Variants in MGAT5 observed in about 807,000 individuals in gnomAD.
MGAT5 encodes alpha-1,6-mannosylglycoprotein 6-beta-N-acetylglucosaminyltransferase A.
In MGAT5, 30 loss-of-function variants were observed where a neutral mutation model predicts 94.3. That is an observed-to-expected ratio of 0.32 (90% CI 0.24 to 0.43). MGAT5 has a LOEUF of 0.43. Ranked by LOEUF, MGAT5 falls within the 20% of genes least tolerant of loss-of-function variation. MGAT5 has a pLI of 1.00. For missense variants in MGAT5, 691 were observed against 905.5 expected (o/e 0.76, Z 3.04); for synonymous variants, 310 against 322.9 (o/e 0.96, Z 0.43).
At chr2:134,409,264 T>TA (rs1683514309) in intron 11 of MGAT5, among the ~76,000 whole-genome samples, 1 of 152,170 alleles carries the variant, frequency 6.6e-6, no homozygotes, top group South Asian at 2.1e-4. Context: ...AGCAACCCCA[T>TA]GAAATAAAGC....
At chr2:134,243,019 T>G (rs1328332388) in intron 1 of MGAT5, among the ~76,000 whole-genome samples, 1 of 151,428 alleles carries the variant, frequency 6.6e-6, no homozygotes, top group Non-Finnish European at 1.5e-5. Flanking sequence ...AGTAAGCCAG[T>G]GACTCTACAT....
At chr2:134,346,217 C>T (rs112032892) in intron 8 of MGAT5, among the ~76,000 whole-genome samples, 20 of 152,070 alleles carry the variant, frequency 1.3e-4, no homozygotes, top group African/African-American at 4.6e-4. Flanking sequence ...CACATATCCT[C>T]GCTGTTAAGA....
intron 1 of MGAT5, among the ~76,000 whole-genome samples, chr2:134,164,882 A>G (rs1687897529): frequency 6.6e-6 from 1 of 151,930 alleles, no homozygotes; most frequent in Non-Finnish European, 1.5e-5. Flanking sequence ...CAAAACAACA[A>G]CAACAAAAAA....
chr2:134,146,509 A>C (rs182503421), intron 1 of MGAT5, among the ~76,000 whole-genome samples: 2 of 152,036 alleles, frequency 1.3e-5, no homozygotes, highest in African/African-American at 2.4e-5. Context: ...GCAGTGAGCT[A>C]TGATAGCACC....
At chr2:134,218,424 G>C (rs185278456) in intron 1 of MGAT5, among the ~76,000 whole-genome samples, 119 of 152,302 alleles carry the variant, frequency 7.8e-4, no homozygotes, top group African/African-American at 2.6e-3. Flanking sequence ...GGGTGAGTTG[G>C]GTCGTTCTTT....
At chr2:134,220,310 T>C (rs545198887) in intron 1 of MGAT5, among the ~76,000 whole-genome samples, 49 of 152,272 alleles carry the variant, frequency 3.2e-4, no homozygotes, top group African/African-American at 1.2e-3. Flanking sequence ...CGTTTTTCTT[T>C]CCCATGTATC....
chr2:134,410,833 T>C (rs1574042162), intron 11 of MGAT5, among the ~76,000 whole-genome samples: 2 of 152,180 alleles, frequency 1.3e-5, no homozygotes, highest in Admixed American at 1.3e-4. Flanking sequence ...GCACTGTGGG[T>C]TCTCTGACTA....
chr2:134,273,133 G>GT (rs1684140626), intron 2 of MGAT5, among the ~76,000 whole-genome samples: 2 of 136,622 alleles, frequency 1.5e-5, no homozygotes, highest in Non-Finnish European at 3.1e-5. Flanking sequence ...CCAGAAGGTG[G>GT]GGGGGGGTCC....
chr2:134,316,204 C>T (rs1156454711), intron 2 of MGAT5, among the ~76,000 whole-genome samples: 2 of 152,086 alleles, frequency 1.3e-5, no homozygotes, highest in Non-Finnish European at 2.9e-5. Flanking sequence ...ATAATCTTCC[C>T]CTCCATAACA....
In MGAT5 at chr2:134,268,520, C is replaced by T. The variant is rs1683849561; in HGVS notation, c.242-1866C>T. Among the ~76,000 whole-genome samples, 1 of 152,206 alleles carries T rather than the reference C, an allele frequency of 6.6e-6. No individual in the cohort carries two copies. Among genetic ancestry groups the T allele is most frequent in the Admixed American group, 6.5e-5 (1 of 15,284 alleles). ...GTGCCAACTAATGATGTGCCTGTGACAAACTGAGTCATGCTGACCGTGGGA... is the reference window on the plus strand; with the variant it reads ...GTGCCAACTAATGATGTGCCTGTGATAAACTGAGTCATGCTGACCGTGGGA... On this transcript the variant is annotated intron_variant, in intron 1 of 15. Coordinates refer to ENST00000281923, the MANE Select transcript of MGAT5 (RefSeq NM_002410.5). This position sits in a 1 kb window ranked among gnomAD's most constrained non-coding sequence, Gnocchi z 4.1.
At chr2:134,148,359 G>A (rs775551016) in intron 1 of MGAT5, among the ~76,000 whole-genome samples, 4 of 152,228 alleles carry the variant, frequency 2.6e-5, no homozygotes, top group Non-Finnish European at 5.9e-5. Flanking sequence ...CTAATTAACT[G>A]CAGATCTCAG....
At chr2:134,299,417 A>G (rs1685885525) in intron 2 of MGAT5, among the ~76,000 whole-genome samples, 1 of 152,226 alleles carries the variant, frequency 6.6e-6, no homozygotes, top group Admixed American at 6.5e-5. Flanking sequence ...TCACAGATAG[A>G]GGAGAGCTTG....
In MGAT5 at chr2:134,367,869, G is replaced by A. The variant is rs186481136; in HGVS notation, c.1380+5461G>A. Among the ~76,000 whole-genome samples, 10 of 152,338 alleles carry A rather than the reference G, an allele frequency of 6.6e-5. No homozygotes were observed. The East Asian group carries it at 1.9e-3, about 29-fold the overall frequency. ...CTAATGCATTGATAATAAAGGAGTC[G>A]TGAATCTGCACAGTGTTTCTGCTTC... On this transcript the variant is annotated intron_variant, in intron 10 of 15. Transcript: ENST00000281923.
At chr2:134,334,269 T>A (rs1688194378) in intron 4 of MGAT5, among the ~76,000 whole-genome samples, 1 of 152,134 alleles carries the variant, frequency 6.6e-6, no homozygotes, top group Non-Finnish European at 1.5e-5. Context: ...TGTATTTTCA[T>A]CACAGTGAAT....
At chr2:134,376,437 C>A (rs537185260) in intron 10 of MGAT5, among the ~76,000 whole-genome samples, 1 of 152,150 alleles carries the variant, frequency 6.6e-6, no homozygotes, top group South Asian at 2.1e-4. Flanking sequence ...TTTTTATTTT[C>A]TTATTCTTAA....
intron 1 of MGAT5, among the ~76,000 whole-genome samples, chr2:134,196,131 T>G (rs921712458): frequency 2.0e-5 from 3 of 152,254 alleles, no homozygotes; most frequent in African/African-American, 7.2e-5. Flanking sequence ...TTGAATTTGC[T>G]CATTGCCTCT....
chr2:134,127,326 T>C (rs1685887431), intron 1 of MGAT5: 1 of 154,418 alleles, frequency 6.5e-6, no homozygotes, highest in African/African-American at 2.4e-5. Flanking sequence ...TTTATTTGAT[T>C]TTTAGCTATT....
intron 10 of MGAT5, among the ~76,000 whole-genome samples, chr2:134,365,801 A>T (rs1209457785): frequency 6.6e-6 from 1 of 152,114 alleles, no homozygotes; most frequent in Non-Finnish European, 1.5e-5. Flanking sequence ...TCATATCAAC[A>T]TACTTACTAA....
intron 2 of MGAT5, among the ~76,000 whole-genome samples, chr2:134,309,635 G>A (rs1686533894): frequency 6.6e-6 from 1 of 152,114 alleles, no homozygotes; most frequent in African/African-American, 2.4e-5. Context: ...TCATGTGTGT[G>A]CTCCTAGGTG....
Sources: gnomAD v4.1 joint callset for allele counts (sites outside exome capture counted in the v4.1 genomes callset) on GRCh38, gnomAD v4.1.1 for gene constraint, Gnocchi (gnomAD v3.1) non-coding constraint, MANE v1.5 for transcripts, NCBI Gene and HGNC (gene_info 2026-07-23, HGNC 2026-07-21) for gene names.